XYLB: variants seen among roughly 807,000 people sequenced by gnomAD.
XYLB encodes the protein xylulokinase, also known as xylulose kinase.
A neutral mutation model predicts 78.7 loss-of-function variants in XYLB; 62 were observed. The observed-to-expected ratio is 0.79, with a 90% CI of 0.64 to 0.97. The LOEUF (loss-of-function observed/expected upper bound fraction) is 0.97, where lower values mean the gene tolerates loss of function less well. XYLB is among the 50% of genes least tolerant of loss of function. The pLI is 0.00. For synonymous variants in XYLB, 245 were observed against 247.4 expected, an observed-to-expected ratio of 0.99 and a Z score of 0.09; for missense variants, 687 against 676.8, an observed-to-expected ratio of 1.02 and a Z score of -0.17.
At chr3:38,419,578 T>TTATATATATATATATATATA (rs67869604), downstream of XYLB, among the ~76,000 whole-genome samples, 240 of 68,220 alleles carry the variant, frequency 3.5e-3, 5 homozygotes, top group African/African-American at 0.01. Flanking sequence ...TTATTTTTCT[T>TTATATATATATATATATATA]TATATATATA....
chr3:38,407,484 A>G (rs1402571446), intron 18 of XYLB, among the ~76,000 whole-genome samples: 1 of 152,218 alleles, frequency 6.6e-6, no homozygotes, highest in Non-Finnish European at 1.5e-5. Context: ...ACTAACAAGC[A>G]AAATAACCAG....
chr3:38,386,627 G>A (rs1348560213), intron 15 of XYLB, among the ~76,000 whole-genome samples: 7 of 151,538 alleles, frequency 4.6e-5, no homozygotes, highest in Non-Finnish European at 8.8e-5. Context: ...GGCTTTTTAA[G>A]GTATACACTT....
the XYLB span, among the ~76,000 whole-genome samples, chr3:38,439,836 G>A: frequency 1.7e-3 from 256 of 152,150 alleles, no homozygotes; most frequent in African/African-American, 5.8e-3. Flanking sequence ...GCGGCATCTC[G>A]TACTATCGCT....
intron 3 of XYLB, among the ~76,000 whole-genome samples, chr3:38,361,648 T>TG (rs1346015640): frequency 1.3e-5 from 2 of 152,086 alleles, no homozygotes; most frequent in Non-Finnish European, 2.9e-5. Context: ...GGCCTTCACC[T>TG]GGGGAGGTGA....
intron 12 of XYLB, among the ~76,000 whole-genome samples, chr3:38,375,542 A>G (rs775599277): frequency 1.6e-4 from 25 of 152,148 alleles, no homozygotes; most frequent in African/African-American, 2.4e-5. Context: ...GTAGTGTGGC[A>G]TGTCTGAGCC....
intron 18 of XYLB, among the ~76,000 whole-genome samples, chr3:38,403,905 C>T (rs1019400952): frequency 6.6e-6 from 1 of 152,022 alleles, no homozygotes; most frequent in African/African-American, 2.4e-5. Context: ...CTCAAAAGCC[C>T]ACCCAACAGC....
intron 8 of XYLB, among the ~76,000 whole-genome samples, chr3:38,369,197 G>C (rs1706415892): frequency 6.6e-6 from 1 of 152,152 alleles, no homozygotes; most frequent in African/African-American, 2.4e-5. Context: ...GGTTTCAGGA[G>C]AGAGAGTGAC....
chr3:38,376,567 A>G (rs1435227910), intron 13 of XYLB, among the ~76,000 whole-genome samples: 1 of 152,218 alleles, frequency 6.6e-6, no homozygotes, highest in East Asian at 1.9e-4. Context: ...TGCCCCAGGC[A>G]CAAGGAAAAG....
chr3:38,380,423 T>G (rs926586095), intron 15 of XYLB, among the ~76,000 whole-genome samples: 1 of 152,052 alleles, frequency 6.6e-6, no homozygotes, highest in Admixed American at 6.6e-5. Context: ...GCCTATAGAG[T>G]CCAGGTTTCT....
chr3:38,445,911 G>T, the XYLB span, among the ~76,000 whole-genome samples: 1 of 152,176 alleles, frequency 6.6e-6, no homozygotes, highest in Admixed American at 6.5e-5. Context: ...CTTGACGATA[G>T]TCCCTTCTTG....
At chr3:38,353,285 GT>G (rs1448697978) in intron 2 of XYLB, among the ~76,000 whole-genome samples, 8 of 152,078 alleles carry the variant, frequency 5.3e-5, no homozygotes, top group Admixed American at 4.6e-4. Context: ...TTCAGTTGTT[GT>G]AACACCAACC....
At chr3:38,368,750 A>G (rs556803265) in intron 8 of XYLB, among the ~76,000 whole-genome samples, 3 of 152,272 alleles carry the variant, frequency 2.0e-5, no homozygotes, top group Admixed American at 2.0e-4. Context: ...ATGTGCCATC[A>G]CTTTTGTCTC....
the XYLB span, among the ~76,000 whole-genome samples, chr3:38,427,503 A>G: frequency 3.9e-5 from 6 of 152,192 alleles, no homozygotes; most frequent in African/African-American, 7.2e-5. Context: ...AAGTTTATCA[A>G]TTTTATTGAT....
chr3:38,431,442 G>C, the XYLB span, among the ~76,000 whole-genome samples: 1 of 152,200 alleles, frequency 6.6e-6, no homozygotes, highest in Non-Finnish European at 1.5e-5. Context: ...AGCTTAAGGA[G>C]ATTTGGGGCT....
chr3:38,438,263 T>C, the XYLB span, among the ~76,000 whole-genome samples: 19 of 151,558 alleles, frequency 1.3e-4, no homozygotes, highest in African/African-American at 4.4e-4. Context: ...TTACAAAAGC[T>C]ACAAAAAATA....
intron 15 of XYLB, among the ~76,000 whole-genome samples, chr3:38,391,216 A>C (rs1376478422): frequency 8.1e-6 from 1 of 124,122 alleles, no homozygotes; most frequent in Non-Finnish European, 1.7e-5. Flanking sequence ...TTCATCTCAA[A>C]AACAACAACA....
At chr3:38,364,273 T>G (rs553152780) in intron 4 of XYLB, among the ~76,000 whole-genome samples, 54 of 151,498 alleles carry the variant, frequency 3.6e-4, no homozygotes, top group Non-Finnish European at 7.4e-4. Flanking sequence ...GATTTGTCTG[T>G]GACTCTTGAC....
chr3:38,442,821 T>C, the XYLB span, among the ~76,000 whole-genome samples: 1 of 150,908 alleles, frequency 6.6e-6, no homozygotes, highest in African/African-American at 2.4e-5. Flanking sequence ...GGATATTGCG[T>C]TTGATAGGGA....
At chr3:38,347,063 G>A (rs961407690) in intron 1 of XYLB, 138 bp downstream of exon 1, 1 of 855,844 alleles carries the variant, frequency 1.2e-6, no homozygotes, top group Non-Finnish European at 1.6e-6. Context: ...CGGGGCCCCC[G>A]CGCCCCTGCC....
Sources: gnomAD v4.1 joint callset for allele counts (sites outside exome capture counted in the v4.1 genomes callset) on GRCh38, gnomAD v4.1.1 for gene constraint, MANE v1.5 for transcripts, NCBI Gene and HGNC (gene_info 2026-07-23, HGNC 2026-07-21) for gene names.